The following PLA2G12B variants were observed in gnomAD, a reference collection of about 807,000 sequenced individuals.
The protein encoded by PLA2G12B is phospholipase A2 group XIIB.
Under a neutral mutation model 22.3 loss-of-function variants are expected in PLA2G12B, and 19 were observed. The ratio of observed to expected loss-of-function variants is 0.85; its 90% CI spans 0.60 to 1.25. The LOEUF is 1.25. Among genes scored for constraint, PLA2G12B ranks in the 50% most tolerant of loss-of-function variants. PLA2G12B has a pLI of 0.00. For missense variants in PLA2G12B, 191 were observed against 246.6 expected (o/e 0.77, Z 1.51); for synonymous variants, 81 against 94.9 (o/e 0.85, Z 0.85).
In PLA2G12B at chr10:72,941,302, G is replaced by T. The variant is rs1261091515; in HGVS notation, c.333C>A (p.Cys111Ter). The T allele has an allele frequency of 3.1e-6, 5 of 1,613,772 alleles. No individual in the cohort carries two copies. Among genetic ancestry groups the T allele is most frequent in the Non-Finnish European group, 4.2e-6 (5 of 1,179,832 alleles). ...CATAACAGACATCCAGCTGGTTGCA[G>T]CACTTTGTCATTGCTGGAATGCCCA... ...MDLGIPAMTK[C>*]CNQLDVCYDT... The change falls in exon 3 of 4, where the codon TGC becomes TGA. Residue 111 changes from cysteine to a stop codon, truncating the protein, a stop_gained. Coordinates refer to ENST00000373032, the MANE Select transcript of PLA2G12B (RefSeq NM_032562.5). LOFTEE classifies it high-confidence loss of function.
intron 1 of PLA2G12B, among the ~76,000 whole-genome samples, chr10:72,952,536 G>A (rs1256111261): frequency 6.6e-6 from 1 of 152,150 alleles, no homozygotes; most frequent in South Asian, 2.1e-4. Flanking sequence ...AGACGAGCAC[G>A]GTGCATGAGA....
chr10:72,943,986 C>A (rs1315257803), intron 1 of PLA2G12B, among the ~76,000 whole-genome samples: 1 of 151,568 alleles, frequency 6.6e-6, no homozygotes, highest in Non-Finnish European at 1.5e-5. Context: ...CTTTTTCTTT[C>A]TTCCTTTCTT....
rs1846384374 is a variant in PLA2G12B, at chr10:72,942,866, AC to A, written c.212-127del. ...TTTTCTTTAAAAGTCACTGTTCCTC[AC>A]ATCCAAATCAGGTGATGATGATGAT... On this transcript the variant is annotated intron_variant, in intron 1 of 3. Coordinates refer to ENST00000373032, the MANE Select transcript of PLA2G12B (RefSeq NM_032562.5). The A allele has an allele frequency of 1.7e-5, 13 of 755,246 alleles. No homozygotes were observed. In the South Asian group the frequency reaches 2.1e-4, roughly 12 times the overall value. The allele number at this position is 755,246 out of a possible 1,614,324, so 46.8% of individuals were successfully genotyped here.
intron 3 of PLA2G12B, among the ~76,000 whole-genome samples, chr10:72,940,187 T>C (rs1306572767): frequency 7.2e-5 from 11 of 152,140 alleles, no homozygotes; most frequent in African/African-American, 1.9e-4. Context: ...CATTGATCTA[T>C]GAAAAGATCC....
At chr10:72,953,395 G>GT (rs1005888116) in intron 1 of PLA2G12B, among the ~76,000 whole-genome samples, 1 of 152,146 alleles carries the variant, frequency 6.6e-6, no homozygotes, top group African/African-American at 2.4e-5. Flanking sequence ...GAAGTATGTA[G>GT]TTTTTTTGTG....
Position 72,935,620 on chromosome 10 carries a change from T to C in PLA2G12B, c.585A>G (p.Leu195=). 1 of 1,614,070 alleles carries C rather than the reference T, an allele frequency of 6.2e-7. No individual in the cohort carries two copies. Among genetic ancestry groups the C allele is most frequent in the Non-Finnish European group, 8.5e-7 (1 of 1,179,966 alleles). The change falls in exon 4 of 4, where the codon TTA becomes TTG. Residue 195 remains leucine (L), a synonymous_variant. Transcript: ENST00000373032. The part of the protein sequence containing the change: ...CICAEEEKEE[L] ...CCAGGAAGGAATCACTTCTTCCTCA[T>C]AACTCTTCCTTCTCCTCCTCTGCAC...
At chr10:72,946,681 A>G (rs937612927) in intron 1 of PLA2G12B, among the ~76,000 whole-genome samples, 13 of 152,336 alleles carry the variant, frequency 8.5e-5, no homozygotes, top group Admixed American at 3.3e-4. Context: ...TTGCATTTCT[A>G]TAATGATTAT....
At chr10:72,935,939 G>A (rs546727932) in intron 3 of PLA2G12B, among the ~76,000 whole-genome samples, 27 of 152,148 alleles carry the variant, frequency 1.8e-4, no homozygotes, top group African/African-American at 6.3e-4. Context: ...AGGTGCCCTC[G>A]CATGTGGGCC....
Position 72,941,954 on chromosome 10 carries a change from T to C in PLA2G12B, c.301-620A>G, listed in dbSNP as rs539096947. ...TTACTAAGCATCCTATAAACAACTG[T>C]AAATGTAGTGGCATAAACTGTGTCA... On this transcript the variant is annotated intron_variant, in intron 2 of 3. Coordinates refer to ENST00000373032, the MANE Select transcript of PLA2G12B (RefSeq NM_032562.5). 2.0e-5 allele frequency among the ~76,000 whole-genome samples: 3 copies of C among 152,138 alleles called. No homozygotes were observed. The East Asian group carries it at 5.8e-4, about 29-fold the overall frequency.
chr10:72,939,455 T>A (rs1033895774), intron 3 of PLA2G12B, among the ~76,000 whole-genome samples: 18 of 152,198 alleles, frequency 1.2e-4, no homozygotes, highest in African/African-American at 4.3e-4. Context: ...TTGAAAATGC[T>A]TTTTGAGGAT....
Position 72,942,743 on chromosome 10 carries a change from T to G in PLA2G12B, c.212-3A>C. The G allele has an allele frequency of 6.3e-7, 1 of 1,590,676 alleles. No individual in the cohort carries two copies. Among genetic ancestry groups the G allele is most frequent in the Non-Finnish European group, 8.6e-7 (1 of 1,166,620 alleles). On this transcript the variant is annotated splice_region_variant and splice_polypyrimidine_tract_variant and intron_variant, in intron 1 of 3. Transcript: ENST00000373032. ...AGGTCTGGGCATTGGTGCCTTTCCT[T>G]GCAGGAGGAAGAAAGGAAAGAAGCA... is the stretch of plus-strand genomic sequence containing the variant.
intron 3 of PLA2G12B, 100 bp downstream of exon 3, chr10:72,941,069 G>A: frequency 7.8e-7 from 1 of 1,277,206 alleles, no homozygotes; most frequent in Non-Finnish European, 1.1e-6. Flanking sequence ...TATTCAGTGA[G>A]CTCTGATGAT....
chr10:72,942,435 T>C (rs1056650728), intron 2 of PLA2G12B, among the ~76,000 whole-genome samples: 4 of 152,142 alleles, frequency 2.6e-5, no homozygotes, highest in African/African-American at 9.7e-5. Flanking sequence ...ATTTCAAAGT[T>C]CTGATCCACT....
intron 1 of PLA2G12B, among the ~76,000 whole-genome samples, chr10:72,954,088 A>G (rs571821523): frequency 1.3e-5 from 2 of 151,126 alleles, no homozygotes; most frequent in Admixed American, 6.5e-5. Flanking sequence ...CTCCTCACAG[A>G]GGCCTCTCAT....
intron 2 of PLA2G12B, among the ~76,000 whole-genome samples, chr10:72,941,731 G>C (rs1429014216): frequency 6.6e-6 from 1 of 151,924 alleles, no homozygotes; most frequent in African/African-American, 2.4e-5. Flanking sequence ...AGGATTCTAC[G>C]GCTAAGAAGT....
Position 72,935,749 on chromosome 10 carries a change from A to T in PLA2G12B, c.467-11T>A. 5.6e-6 allele frequency: 9 copies of T among 1,613,416 alleles called. No individual in the cohort carries two copies. Among genetic ancestry groups the T allele is most frequent in the African/African-American group, 1.3e-5 (1 of 75,052 alleles). ...GGGAATCACAGGCTGCTTGAAAAAG[A>T]TGAAGAGGGACAGAAAGGTTAACCC... is the stretch of plus-strand genomic sequence containing the variant. On this transcript the variant is annotated splice_polypyrimidine_tract_variant and intron_variant, in intron 3 of 3. Coordinates refer to ENST00000373032, the MANE Select transcript of PLA2G12B (RefSeq NM_032562.5).
chr10:72,935,590 C>A lies in PLA2G12B; in HGVS notation c.*27G>T. 6.2e-7 allele frequency: 1 copy of A among 1,612,692 alleles called. No individual in the cohort carries two copies. Among genetic ancestry groups the A allele is most frequent in the South Asian group, 1.1e-5 (1 of 90,786 alleles). On this transcript the variant is annotated 3_prime_UTR_variant, in exon 4 of 4. Transcript: ENST00000373032. The stretch of plus-strand genomic sequence containing the variant: ...GAAGGCTGACAGCTGTGGTGTCACT[C>A]AAAACCAGGAAGGAATCACTTCTTC...
intron 3 of PLA2G12B, among the ~76,000 whole-genome samples, chr10:72,936,962 A>G (rs1416066326): frequency 6.6e-6 from 1 of 152,220 alleles, no homozygotes; most frequent in Non-Finnish European, 1.5e-5. Context: ...GCACTTTGGG[A>G]GGCCGAAGCA....
At position 72,935,596 on chromosome 10, in the gene PLA2G12B, C is replaced by A; in HGVS notation, c.*21G>T. On this transcript the variant is annotated 3_prime_UTR_variant, in exon 4 of 4. Coordinates refer to ENST00000373032, the MANE Select transcript of PLA2G12B (RefSeq NM_032562.5). ...TGACAGCTGTGGTGTCACTCAAAAC[C>A]AGGAAGGAATCACTTCTTCCTCATA... 5 of 1,613,012 alleles carry A rather than the reference C, an allele frequency of 3.1e-6. No homozygotes were observed. Among genetic ancestry groups the A allele is most frequent in the Non-Finnish European group, 4.2e-6 (5 of 1,179,470 alleles).
Sources: gnomAD v4.1 joint callset for allele counts (sites outside exome capture counted in the v4.1 genomes callset) on GRCh38, gnomAD v4.1.1 for gene constraint, MANE v1.5 for transcripts, NCBI Gene and HGNC (gene_info 2026-07-23, HGNC 2026-07-21) for gene names.